The following TIAM2 variants were observed in gnomAD, a reference collection of about 807,000 sequenced individuals.
TIAM2 encodes TIAM Rac1 associated GEF 2.
A neutral mutation model predicts 152.9 loss-of-function variants in TIAM2; 80 were observed. The ratio of observed to expected loss-of-function variants is 0.52; its 90% CI spans 0.44 to 0.63. The LOEUF (loss-of-function observed/expected upper bound fraction) is 0.63, where lower values mean the gene tolerates loss of function less well. Ranked by LOEUF, TIAM2 falls within the 30% of genes least tolerant of loss-of-function variation. The pLI is 0.00. For synonymous variants in TIAM2, 804 were observed against 838.0 expected, an observed-to-expected ratio of 0.96 and a Z score of 0.70; for missense variants, 1,965 against 2,120.1, an observed-to-expected ratio of 0.93 and a Z score of 1.44.
rs140236349 is a variant in TIAM2 at position 155,142,778 on chromosome 6, G to T, written c.1631-1828G>T. 3.8e-3 allele frequency among the ~76,000 whole-genome samples: 573 copies of T among 152,294 alleles called. 3 individuals are homozygous for T. The highest frequency in any genetic ancestry group is 0.017 in the East Asian group (88 of 5,188). ...GTTAGTTTGGATGAGTTTTATTTGC[G>T]GGGAGGAGCAAATGCGCAGTTTCTT... On this transcript the variant is annotated intron_variant, in intron 5 of 26. Coordinates refer to ENST00000682666, the MANE Select transcript of TIAM2 (RefSeq NM_012454.4).
intron 1 of TIAM2, among the ~76,000 whole-genome samples, chr6:155,000,300 C>T (rs1778291278): frequency 6.6e-6 from 1 of 151,972 alleles, no homozygotes; most frequent in Admixed American, 6.6e-5. Flanking sequence ...TTTGGGAGGC[C>T]AAGGGGCGGA....
chr6:155,139,960 CAA>C (rs1482707281), intron 5 of TIAM2, among the ~76,000 whole-genome samples: 1 of 151,606 alleles, frequency 6.6e-6, no homozygotes, highest in Non-Finnish European at 1.5e-5. Flanking sequence ...AACAAACAAA[CAA>C]ACCAAAACAA....
chr6:155,144,671 T>C lies in TIAM2; in HGVS notation c.1696T>C (p.Cys566Arg). 9.3e-6 allele frequency: 15 copies of C among 1,608,324 alleles called. No individual in the cohort carries two copies. The highest frequency in any genetic ancestry group is 1.3e-5 in the Non-Finnish European group (15 of 1,178,074). Residue 566 changes from cysteine (C) to arginine (R), a missense_variant, in exon 6 of 27, where the codon TGT (cysteine) becomes CGT (arginine). Cys to Arg is a radical substitution (Grantham distance 180, BLOSUM62 -3). Coordinates refer to ENST00000682666, the MANE Select transcript of TIAM2 (RefSeq NM_012454.4). ...NSMDQSSAPRCALFAEDSIVQ... is the reference protein window; with the variant it reads ...NSMDQSSAPRRALFAEDSIVQ... The stretch of plus-strand genomic sequence containing the variant: ...CATGGATCAGAGCAGTGCCCCTCGG[T>C]GTGCTCTGTTTGCAGAAGACAGCAT...
intron 14 of TIAM2, among the ~76,000 whole-genome samples, chr6:155,199,065 C>CT (rs1259257958): frequency 9.0e-6 from 1 of 110,600 alleles, no homozygotes; most frequent in Non-Finnish European, 2.4e-5. Context: ...ACAGTAACTT[C>CT]TTTATTTTTT....
intron 2 of TIAM2, among the ~76,000 whole-genome samples, chr6:155,104,625 C>A (rs1007453154): frequency 6.6e-6 from 1 of 151,882 alleles, no homozygotes; most frequent in African/African-American, 2.4e-5. Flanking sequence ...GGCGTGGTGG[C>A]GGGCGCTTGT....
At chr6:155,236,196 C>T (rs1782748396) in intron 15 of TIAM2, among the ~76,000 whole-genome samples, 1 of 151,880 alleles carries the variant, frequency 6.6e-6, no homozygotes, top group Non-Finnish European at 1.5e-5. Context: ...CGTCAATTTC[C>T]TGTAGCCCGT....
At chr6:155,239,502 G>C (rs1472775351) in intron 15 of TIAM2, among the ~76,000 whole-genome samples, 1 of 152,228 alleles carries the variant, frequency 6.6e-6, no homozygotes, top group African/African-American at 2.4e-5. Flanking sequence ...TTTGTAATCT[G>C]ACCCTGCTCC....
chr6:155,084,622 T>G (rs1022623558), intron 1 of TIAM2, among the ~76,000 whole-genome samples: 4 of 152,204 alleles, frequency 2.6e-5, no homozygotes, highest in African/African-American at 9.6e-5. Context: ...GTTTTATAAA[T>G]AACAACGGTC....
At position 155,045,254 on chromosome 6, in the gene TIAM2, G is replaced by C. The variant is rs146396437; in HGVS notation, c.-208-45035G>C. On this transcript the variant is annotated intron_variant, in intron 1 of 26. Transcript: ENST00000682666. ...GCTTTTTGTAGTTTTAGTAGAGATG[G>C]GGTTTCATTATGTTGGCCAGATTGG... Among the ~76,000 whole-genome samples the C allele has an allele frequency of 3.4e-4, 52 of 151,794 alleles. No homozygotes were observed. In the East Asian group the frequency reaches 6.6e-3, roughly 19 times the overall value.
chr6:155,106,220 G>T (rs993169653), intron 2 of TIAM2, among the ~76,000 whole-genome samples: 1 of 151,826 alleles, frequency 6.6e-6, no homozygotes. Context: ...GGTCAGGCTG[G>T]TTCCGAACTC....
chr6:155,074,192 T>A (rs1339992111), intron 1 of TIAM2, among the ~76,000 whole-genome samples: 1 of 152,148 alleles, frequency 6.6e-6, no homozygotes, highest in Non-Finnish European at 1.5e-5. Flanking sequence ...AAAAGAAAAT[T>A]CCTAACGACA....
At chr6:155,092,545 T>G (rs1187888684) in intron 2 of TIAM2, among the ~76,000 whole-genome samples, 7 of 152,176 alleles carry the variant, frequency 4.6e-5, no homozygotes, top group Non-Finnish European at 1.0e-4. Context: ...ACTCAGATTT[T>G]TATATATTCA....
At chr6:155,227,033 T>C (rs1782273242) in intron 15 of TIAM2, among the ~76,000 whole-genome samples, 1 of 152,204 alleles carries the variant, frequency 6.6e-6, no homozygotes, top group Admixed American at 6.5e-5. Context: ...GAGAGTTAAC[T>C]AGAAGGATTT....
At chr6:155,240,419 C>T (rs1782971128) in intron 15 of TIAM2, 111 bp from the exon 16 acceptor site, 2 of 1,166,512 alleles carry the variant, frequency 1.7e-6, no homozygotes, top group East Asian at 2.4e-5. Flanking sequence ...ACACAGAGGC[C>T]CCTCTGAGAT....
intron 1 of TIAM2, among the ~76,000 whole-genome samples, chr6:155,044,164 A>G (rs1583165454): frequency 6.6e-6 from 1 of 152,320 alleles, no homozygotes; most frequent in Admixed American, 6.5e-5. Context: ...TCATCAACAT[A>G]GCCAGTGAAA....
chr6:155,144,834 A>G (rs1308569726), intron 6 of TIAM2, 56 bp downstream of exon 6: 23 of 1,527,124 alleles, frequency 1.5e-5, no homozygotes, highest in Non-Finnish European at 2.0e-5. Flanking sequence ...TAGAATAAGA[A>G]GGAACAGAAA....
Position 155,256,682 on chromosome 6 carries a change from AT to A in TIAM2, c.4671del (p.Phe1557LeufsTer12). ...PGKYPHPGLA[D>X]FADNLIKESD... ...AAATACCCACACCCCGGCTTGGCAG[AT>A]TTTGCCGACAATCTCATCAAAGAGA... On this transcript the variant is annotated frameshift_variant, in exon 27 of 27. Transcript: ENST00000682666. LOFTEE classifies it low-confidence loss of function (END_TRUNC). 6.2e-7 allele frequency: 1 copy of A among 1,614,204 alleles called. No individual in the cohort carries two copies. The highest frequency in any genetic ancestry group is 8.5e-7 in the Non-Finnish European group (1 of 1,180,036).
At chr6:155,104,041 C>G (rs1583191425) in intron 2 of TIAM2, among the ~76,000 whole-genome samples, 1 of 63,230 alleles carries the variant, frequency 1.6e-5, no homozygotes, top group Non-Finnish European at 3.1e-5. Context: ...CACACACACA[C>G]CCCCCCCCCC....
chr6:155,062,973 G>A (rs1482006126), intron 1 of TIAM2, among the ~76,000 whole-genome samples: 1 of 152,268 alleles, frequency 6.6e-6, no homozygotes, highest in East Asian at 1.9e-4. Flanking sequence ...CTGATGAAGT[G>A]TCTGTTCAGA....
Sources: gnomAD v4.1 joint callset for allele counts (sites outside exome capture counted in the v4.1 genomes callset) on GRCh38, gnomAD v4.1.1 for gene constraint, MANE v1.5 for transcripts, NCBI Gene and HGNC (gene_info 2026-07-23, HGNC 2026-07-21) for gene names.